The following CCDC7 variants were observed in gnomAD, a reference collection of about 807,000 sequenced individuals.
The protein encoded by CCDC7 is coiled-coil domain-containing protein 7.
A neutral mutation model predicts 196.9 loss-of-function variants in CCDC7; 183 were observed. The ratio of observed to expected loss-of-function variants is 0.93; its 90% CI spans 0.82 to 1.05. CCDC7 has a LOEUF of 1.05. CCDC7 is among the 50% of genes least tolerant of loss of function. CCDC7 has a pLI of 0.00. For synonymous variants in CCDC7, 525 were observed against 484.6 expected (o/e 1.08, Z -1.10); for missense variants, 1,540 against 1,482.2 (o/e 1.04, Z -0.64).
intron 9 of CCDC7, among the ~76,000 whole-genome samples, chr10:32,493,492 G>A (rs548591427): frequency 1.1e-3 from 165 of 151,660 alleles, no homozygotes; most frequent in Non-Finnish European, 1.7e-3. Context: ...ATACTGCAGT[G>A]AACATGGGAG....
Position 32,553,118 on chromosome 10 carries a change from T to A in CCDC7, c.1134+8817T>A, listed in dbSNP as rs1412241865. Among the ~76,000 whole-genome samples, 17 of 112,092 alleles carry A rather than the reference T, an allele frequency of 1.5e-4. No individual in the cohort carries two copies. In the East Asian group the frequency reaches 2.9e-3, roughly 19 times the overall value. 73.5% of individuals were successfully genotyped at this position (112,092 alleles called of 152,430 possible). A position where few individuals can be genotyped will look rare whatever the true frequency, so the allele number is the denominator to read the frequency against. On this transcript the variant is annotated intron_variant, in intron 13 of 41. Transcript: ENST00000639629. ...TTCTTGGAGTCTTTTTTTTTTTTTT[T>A]AATTCTTTTTTTTTATCTTTGTTGA...
intron 28 of CCDC7, among the ~76,000 whole-genome samples, chr10:32,753,294 A>G (rs965914046): frequency 2.0e-5 from 3 of 152,142 alleles, no homozygotes; most frequent in Non-Finnish European, 4.4e-5. Context: ...TCAGAAGAAT[A>G]AGTTTGGAAT....
intron 28 of CCDC7, among the ~76,000 whole-genome samples, chr10:32,746,754 A>G (rs59385033): frequency 0.05 from 7,615 of 152,080 alleles, 624 homozygotes; most frequent in African/African-American, 0.17. Context: ...GACCCCACCA[A>G]TGTGCACCCA....
At chr10:32,817,600 AC>A (rs2089041156) in intron 31 of CCDC7, among the ~76,000 whole-genome samples, 1 of 152,250 alleles carries the variant, frequency 6.6e-6, no homozygotes, top group Non-Finnish European at 1.5e-5. Context: ...AGGTCAGGTT[AC>A]CCACAAAGGG....
At chr10:32,458,455 TTGCATG>T (rs1266950875) in intron 3 of CCDC7, among the ~76,000 whole-genome samples, 19 of 58,188 alleles carry the variant, frequency 3.3e-4, no homozygotes, top group Middle Eastern at 8.3e-3. Context: ...GTGTGTGTGT[TTGCATG>T]TGTGTGTGTG....
chr10:32,543,772 AAG>A (rs1554833678), intron 12 of CCDC7, among the ~76,000 whole-genome samples: 1 of 152,048 alleles, frequency 6.6e-6, no homozygotes, highest in Non-Finnish European at 1.5e-5. Flanking sequence ...TTCTTATAAA[AAG>A]TTATTTATTT....
intron 16 of CCDC7, among the ~76,000 whole-genome samples, chr10:32,579,928 C>T (rs1035679364): frequency 6.6e-6 from 1 of 151,926 alleles, no homozygotes; most frequent in Non-Finnish European, 1.5e-5. Flanking sequence ...CTGTAACATA[C>T]ACGAGTCACA....
At chr10:32,776,693 T>C (rs964646680) in intron 28 of CCDC7, among the ~76,000 whole-genome samples, 5 of 152,238 alleles carry the variant, frequency 3.3e-5, no homozygotes, top group South Asian at 2.1e-4. Flanking sequence ...GTATAATCGA[T>C]GGCATATAGT....
intron 11 of CCDC7, among the ~76,000 whole-genome samples, chr10:32,542,087 A>G (rs1564597266): frequency 6.6e-6 from 1 of 152,178 alleles, no homozygotes; most frequent in East Asian, 1.9e-4. Context: ...AATGGTGCAT[A>G]TGAGATGCTT....
intron 28 of CCDC7, among the ~76,000 whole-genome samples, chr10:32,747,502 A>G (rs948252388): frequency 6.6e-6 from 1 of 152,190 alleles, no homozygotes; most frequent in African/African-American, 2.4e-5. Context: ...TCTATATGGA[A>G]CTCAAATCAA....
intron 29 of CCDC7, 148 bp downstream of exon 30, chr10:32,779,232 C>A: frequency 1.8e-6 from 1 of 563,916 alleles, no homozygotes; most frequent in Non-Finnish European, 3.0e-6. Flanking sequence ...ATCTACATGT[C>A]AATTAAGTGT....
At chr10:32,728,909 A>G (rs770829873) in exon 27 of CCDC7, 8 of 1,605,728 alleles carry the variant, frequency 5.0e-6, no homozygotes, top group Non-Finnish European at 5.1e-6. Context: ...TACCAAATGA[A>G]AATGTGATTT....
intron 22 of CCDC7, 46 bp downstream of exon 23, chr10:32,686,126 C>A: frequency 1.0e-6 from 1 of 975,006 alleles, no homozygotes; most frequent in South Asian, 1.8e-5. Context: ...TTAAATTAGT[C>A]ACAGCAAAGG....
chr10:32,556,051 T>G (rs954651751), intron 13 of CCDC7, among the ~76,000 whole-genome samples: 2 of 152,172 alleles, frequency 1.3e-5, no homozygotes, highest in African/African-American at 4.8e-5. Context: ...TTGTGTTGTA[T>G]CCTCTTGGCC....
intron 9 of CCDC7, among the ~76,000 whole-genome samples, chr10:32,500,143 G>T (rs979176308): frequency 6.6e-6 from 1 of 152,160 alleles, no homozygotes; most frequent in Non-Finnish European, 1.5e-5. Flanking sequence ...GGTGGTGGCC[G>T]GGCAGAGGGG....
intron 33 of CCDC7, among the ~76,000 whole-genome samples, chr10:32,843,885 G>A (rs762322875): frequency 1.3e-4 from 19 of 151,672 alleles, no homozygotes; most frequent in East Asian, 1.9e-4. Context: ...TATGTGTCTC[G>A]GTTCATTTTG....
intron 24 of CCDC7, among the ~76,000 whole-genome samples, chr10:32,704,945 G>T (rs774893284): frequency 6.6e-6 from 1 of 152,120 alleles, no homozygotes; most frequent in Non-Finnish European, 1.5e-5. Context: ...GGAATTCCCT[G>T]ACCCCTTGCA....
intron 6 of CCDC7, among the ~76,000 whole-genome samples, 157 bp from the exon 8 acceptor site, chr10:32,472,324 G>A (rs187868745): frequency 2.4e-4 from 36 of 152,200 alleles, no homozygotes; most frequent in African/African-American, 8.4e-4. Flanking sequence ...TAACTTGTAA[G>A]TTTACCTTAG....
chr10:32,713,755 T>C (rs1459738032), intron 25 of CCDC7, among the ~76,000 whole-genome samples: 1 of 152,172 alleles, frequency 6.6e-6, no homozygotes, highest in African/African-American at 2.4e-5. Flanking sequence ...ATTGCCTGGA[T>C]TGAGCAGCAG....
Sources: allele counts gnomAD v4.1 joint callset (sites outside exome capture counted in the v4.1 genomes callset), GRCh38; gene constraint gnomAD v4.1.1; transcripts MANE v1.5; gene names NCBI Gene and HGNC (gene_info 2026-07-23, HGNC 2026-07-21).